Variants in RPTOR observed in about 807,000 individuals in gnomAD.
The protein encoded by RPTOR is regulatory-associated protein of mTOR.
A neutral mutation model predicts 169.9 loss-of-function variants in RPTOR; 21 were observed. The observed-to-expected ratio is 0.12, with a 90% CI of 0.09 to 0.18. RPTOR has a LOEUF of 0.18. Ranked by LOEUF, RPTOR falls within the 10% of genes least tolerant of loss-of-function variation. RPTOR has a pLI of 1.00. For missense variants in RPTOR, 1,133 were observed against 1,855.9 expected, an observed-to-expected ratio of 0.61 and a Z score of 7.16; for synonymous variants, 732 against 753.2, an observed-to-expected ratio of 0.97 and a Z score of 0.46.
At chr17:80,865,511 G>A (rs2067978187) in intron 13 of RPTOR, among the ~76,000 whole-genome samples, 1 of 152,168 alleles carries the variant, frequency 6.6e-6, no homozygotes, top group East Asian at 1.9e-4. Context: ...GTTAATATCA[G>A]ACAGAGGAGG....
intron 1 of RPTOR, among the ~76,000 whole-genome samples, chr17:80,573,224 G>T (rs572418461): frequency 6.6e-6 from 1 of 152,292 alleles, no homozygotes; most frequent in African/African-American, 2.4e-5. Context: ...TTTTTCTTGA[G>T]AATGTCTTGG....
intron 1 of RPTOR, among the ~76,000 whole-genome samples, chr17:80,566,089 A>G (rs1006146129): frequency 2.0e-5 from 3 of 152,208 alleles, no homozygotes; most frequent in African/African-American, 7.2e-5. Flanking sequence ...ACCTTTCTCC[A>G]AGCTGGTTCC....
Position 80,837,941 on chromosome 17 carries a change from G to C in RPTOR, c.1156G>C (p.Val386Leu). Reference protein sequence around the residue: ...HAMWQAWDLAVDICLSQLPTI... With the variant: ...HAMWQAWDLALDICLSQLPTI... Reference sequence around the variant, plus strand: ...CCGCAGGCAAGCCTGGGACCTGGCTGTTGACATCTGTCTGTCTCAGCTGCC... The same window carrying C: ...CCGCAGGCAAGCCTGGGACCTGGCTCTTGACATCTGTCTGTCTCAGCTGCC... Residue 386 changes from valine (V) to leucine (L), a missense_variant, in exon 10 of 34, where the codon GTT (valine) becomes CTT (leucine). Around this residue, in one of 9 missense-constraint regions of RPTOR, gnomAD observed 289 missense variants for 585.8 expected, o/e 0.49. Transcript: ENST00000306801. The C allele has an allele frequency of 6.2e-7, 1 of 1,612,004 alleles. No homozygotes were observed. The highest frequency in any genetic ancestry group is 8.5e-7 in the Non-Finnish European group (1 of 1,179,110).
intron 1 of RPTOR, among the ~76,000 whole-genome samples, chr17:80,571,237 A>G (rs1206168075): frequency 2.0e-5 from 3 of 152,220 alleles, no homozygotes; most frequent in African/African-American, 4.8e-5. Context: ...TTCATGTCCT[A>G]TAGAAAATGG....
chr17:80,774,405 C>T (rs1210379402), intron 6 of RPTOR: 1 of 953,298 alleles, frequency 1.0e-6, no homozygotes, highest in African/African-American at 1.8e-5. Flanking sequence ...TTTGCTCTTA[C>T]TAATAACCCA....
intron 6 of RPTOR, among the ~76,000 whole-genome samples, chr17:80,782,491 C>A (rs546146806): frequency 1.3e-5 from 2 of 152,052 alleles, no homozygotes; most frequent in African/African-American, 4.8e-5. Context: ...ACCCAGCAGT[C>A]GCATGTGAAA....
intron 3 of RPTOR, among the ~76,000 whole-genome samples, chr17:80,665,689 C>T (rs1481395366): frequency 6.6e-5 from 10 of 151,456 alleles, no homozygotes; most frequent in Non-Finnish European, 1.3e-4. Flanking sequence ...GGACTACAGG[C>T]GCCCGCCACC....
At chr17:80,782,145 T>C (rs1446090176) in intron 6 of RPTOR, among the ~76,000 whole-genome samples, 1 of 152,188 alleles carries the variant, frequency 6.6e-6, no homozygotes, top group Non-Finnish European at 1.5e-5. Flanking sequence ...GAGTAGTAAG[T>C]GCTGAGCCCT....
chr17:80,924,673 G>C (rs1015113638), intron 23 of RPTOR, among the ~76,000 whole-genome samples: 1 of 151,854 alleles, frequency 6.6e-6, no homozygotes, highest in Non-Finnish European at 1.5e-5. Context: ...CCCCGGGGTG[G>C]GGGGGATGCA....
intron 5 of RPTOR, among the ~76,000 whole-genome samples, chr17:80,735,798 T>C (rs2066429118): frequency 6.6e-6 from 1 of 152,006 alleles, no homozygotes; most frequent in African/African-American, 2.4e-5. Flanking sequence ...CATAGGCAAG[T>C]TTTTGGTGGG....
chr17:80,945,825 GC>G, intron 26 of RPTOR, 44 bp downstream of exon 26: 1 of 1,206,352 alleles, frequency 8.3e-7, no homozygotes, highest in Non-Finnish European at 1.2e-6. Context: ...CTGACCGACA[GC>G]CCCAGCGATG....
chr17:80,579,396 T>C (rs995306765), intron 1 of RPTOR, among the ~76,000 whole-genome samples: 1 of 152,334 alleles, frequency 6.6e-6, no homozygotes, highest in Admixed American at 6.5e-5. Flanking sequence ...TTCTCCATGT[T>C]GGTCAGGCTG....
chr17:80,636,769 A>G (rs142263377), intron 2 of RPTOR, among the ~76,000 whole-genome samples: 1 of 152,124 alleles, frequency 6.6e-6, no homozygotes, highest in Non-Finnish European at 1.5e-5. Flanking sequence ...CCCCTCCCCA[A>G]CACGCCCCAG....
intron 4 of RPTOR, among the ~76,000 whole-genome samples, chr17:80,714,459 G>A (rs1329839117): frequency 6.6e-6 from 1 of 152,142 alleles, no homozygotes; most frequent in Non-Finnish European, 1.5e-5. Context: ...TCTCAATAAA[G>A]TTTGAAAGAT....
intron 4 of RPTOR, among the ~76,000 whole-genome samples, chr17:80,709,830 C>T (rs896674861): frequency 6.6e-6 from 1 of 152,182 alleles, no homozygotes; most frequent in Non-Finnish European, 1.5e-5. Flanking sequence ...CTATCCACTT[C>T]TCTCTGCAGT....
At chr17:80,869,384 C>T (rs774890329) in intron 13 of RPTOR, among the ~76,000 whole-genome samples, 1 of 152,074 alleles carries the variant, frequency 6.6e-6, no homozygotes, top group Non-Finnish European at 1.5e-5. Context: ...CTCAATCTCC[C>T]GACCTCAAGT....
chr17:80,662,044 A>AT (rs2143649962), intron 3 of RPTOR, among the ~76,000 whole-genome samples: 1 of 152,236 alleles, frequency 6.6e-6, no homozygotes, highest in South Asian at 2.1e-4. Flanking sequence ...TTTCCAGGCG[A>AT]TTTTTAGATG....
chr17:80,829,335 G>A (rs2067478077), intron 9 of RPTOR, among the ~76,000 whole-genome samples: 1 of 152,224 alleles, frequency 6.6e-6, no homozygotes, highest in Admixed American at 6.5e-5. Flanking sequence ...CGCGGGCATG[G>A]GTAGGGCAGC....
intron 17 of RPTOR, among the ~76,000 whole-genome samples, chr17:80,890,488 ATGGCCG>A (rs1268193460): frequency 1.5e-5 from 2 of 135,282 alleles, no homozygotes; most frequent in African/African-American, 5.5e-5. Flanking sequence ...GGCGTGGGCC[ATGGCCG>A]TGAAGACGCA....
Sources: allele counts gnomAD v4.1 joint callset (sites outside exome capture counted in the v4.1 genomes callset), GRCh38; gene constraint gnomAD v4.1.1; regional missense constraint gnomAD v4.1.1; transcripts MANE v1.5; gene names NCBI Gene and HGNC (gene_info 2026-07-23, HGNC 2026-07-21).